ADRA1B: variants seen among roughly 807,000 people sequenced by gnomAD.
ADRA1B encodes the protein adrenoceptor alpha 1B.
In ADRA1B, 17 loss-of-function variants were observed where a neutral mutation model predicts 17.9. The observed-to-expected ratio is 0.95, with a 90% CI of 0.65 to 1.42. The LOEUF is 1.42. ADRA1B is among the 40% of genes most tolerant of loss of function. The pLI, the probability that ADRA1B is intolerant of heterozygous loss-of-function variation, is 0.00. For synonymous variants in ADRA1B, 366 were observed against 327.6 expected (o/e 1.12, Z -1.27); for missense variants, 681 against 722.1 (o/e 0.94, Z 0.65).
intron 1 of ADRA1B, among the ~76,000 whole-genome samples, chr5:159,866,262 T>C (rs1753651264): frequency 7.0e-6 from 1 of 141,960 alleles, no homozygotes. Context: ...GCAATGATCA[T>C]GCCACTGCAC....
downstream of ADRA1B, among the ~76,000 whole-genome samples, chr5:159,976,326 G>A (rs901353301): frequency 7.9e-5 from 12 of 152,090 alleles, no homozygotes; most frequent in Admixed American, 5.2e-4. Flanking sequence ...AGGGTCCACC[G>A]TGAAGAAGAA....
At chr5:159,970,868 G>A (rs1263459264) in intron 1 of ADRA1B, among the ~76,000 whole-genome samples, 1 of 152,168 alleles carries the variant, frequency 6.6e-6, no homozygotes, top group African/African-American at 2.4e-5. Context: ...GCAGTGCCAC[G>A]ATCATAGTTC....
At chr5:159,888,437 A>T (rs1375920318) in intron 1 of ADRA1B, 1 of 152,154 alleles carries the variant, frequency 6.6e-6, no homozygotes, top group Admixed American at 6.5e-5. Flanking sequence ...CAAACATGAA[A>T]CCTATTTGGA....
At chr5:159,976,224 A>G (rs1345351000), downstream of ADRA1B, among the ~76,000 whole-genome samples, 1 of 152,200 alleles carries the variant, frequency 6.6e-6, no homozygotes, top group Non-Finnish European at 1.5e-5. Context: ...TCATTCTTCA[A>G]TTATTTACTT....
chr5:159,958,291 AACTTACAGTCTGTTTTTTCCCACC>A (rs1224553337), intron 1 of ADRA1B, among the ~76,000 whole-genome samples: 11 of 152,194 alleles, frequency 7.2e-5, no homozygotes, highest in African/African-American at 2.7e-4. Context: ...CTGTTGCCCC[AACTTACAGTCTGTTTTTTCCCACC>A]ACTTACAGTC....
Position 159,939,278 on chromosome 5 carries a change from AGTGTGTGT to A in ADRA1B, c.949+21462_949+21469del, listed in dbSNP as rs70987981. ...GAGAGAGAGAGAGAGAGAGAGAGAG[AGTGTGTGT>A]GTGTGTGTGTGTGTGTGTGTGTGTG... On this transcript the variant is annotated intron_variant, in intron 1 of 1. Transcript: ENST00000306675. 9.7e-3 allele frequency among the ~76,000 whole-genome samples: 951 copies of A among 98,296 alleles called. 11 individuals are homozygous for A. The highest frequency in any genetic ancestry group is 0.022 in the Middle Eastern group (3 of 134). 64.5% of individuals were successfully genotyped at this position (98,296 alleles called of 152,430 possible). A position where few individuals can be genotyped will look rare whatever the true frequency, so the allele number is the denominator to read the frequency against.
chr5:159,866,558 GC>G (rs1258833648), intron 1 of ADRA1B, among the ~76,000 whole-genome samples: 1 of 150,284 alleles, frequency 6.7e-6, no homozygotes, highest in African/African-American at 2.5e-5. Flanking sequence ...CTGCATTACA[GC>G]CTGGGCAACA....
intron 1 of ADRA1B, chr5:159,948,329 T>A (rs114019701): frequency 1.0e-6 from 1 of 985,338 alleles, no homozygotes; most frequent in Non-Finnish European, 1.2e-6. Flanking sequence ...CCCTTTCATT[T>A]GAGTTTCCTG....
At chr5:159,877,447 A>T (rs78529022) in intron 1 of ADRA1B, among the ~76,000 whole-genome samples, 2,382 of 152,280 alleles carry the variant, frequency 0.016, 62 homozygotes, top group African/African-American at 0.054. Context: ...ATCAGTTGGC[A>T]AATGTCAAAA....
chr5:159,930,999 T>A (rs894746488), intron 1 of ADRA1B, among the ~76,000 whole-genome samples: 7 of 147,392 alleles, frequency 4.7e-5, no homozygotes, highest in African/African-American at 1.5e-4. Context: ...ATATATATAT[T>A]TTATAATATT....
In ADRA1B at chr5:159,916,930, C is replaced by G; in HGVS notation, c.25C>G (p.His9Asp). 2.5e-6 allele frequency: 4 copies of G among 1,613,386 alleles called. No homozygotes were observed. The highest frequency in any genetic ancestry group is 3.4e-6 in the Non-Finnish European group (4 of 1,179,594). ...GATGAATCCCGACCTGGACACCGGCCACAACACATCAGCACCTGCCCACTG... is the reference window on the plus strand; with the variant it reads ...GATGAATCCCGACCTGGACACCGGCGACAACACATCAGCACCTGCCCACTG... MNPDLDTGHNTSAPAHWGE... is the reference protein window; with the variant it reads MNPDLDTGDNTSAPAHWGE... The change falls in exon 1 of 2, where the codon CAC becomes GAC. Residue 9 changes from histidine to aspartate, a missense_variant. His to Asp is a moderately conservative substitution (Grantham distance 81). This residue lies in a region of ADRA1B where 424 missense variants were observed against 480.2 expected (regional missense o/e 0.88). Transcript: ENST00000306675.
intron 1 of ADRA1B, among the ~76,000 whole-genome samples, chr5:159,941,954 G>T (rs561043339): frequency 7.4e-6 from 1 of 134,684 alleles, no homozygotes; most frequent in Non-Finnish European, 1.5e-5. Flanking sequence ...ACAGAGTCTC[G>T]CTCTGTCACC....
At chr5:159,985,445 T>C in the ADRA1B span, among the ~76,000 whole-genome samples, 1 of 152,200 alleles carries the variant, frequency 6.6e-6, no homozygotes, top group Non-Finnish European at 1.5e-5. Context: ...TAAATACTTA[T>C]TGAATGAATG....
chr5:159,956,345 T>G (rs1279067997), intron 1 of ADRA1B, among the ~76,000 whole-genome samples: 2 of 152,022 alleles, frequency 1.3e-5, no homozygotes, highest in Admixed American at 1.3e-4. Context: ...AACAGTTTGG[T>G]GTATACTCAC....
At chr5:159,954,460 C>T (rs943859347) in intron 1 of ADRA1B, among the ~76,000 whole-genome samples, 1 of 152,168 alleles carries the variant, frequency 6.6e-6, no homozygotes, top group African/African-American at 2.4e-5. Context: ...GGCCCCACCT[C>T]CTGATACCAT....
chr5:159,870,761 T>C (rs1753728401), intron 1 of ADRA1B: 1 of 152,278 alleles, frequency 6.6e-6, no homozygotes, highest in Non-Finnish European at 1.5e-5. Context: ...CTAAAATCAA[T>C]GCATAAAGCC....
intron 1 of ADRA1B, among the ~76,000 whole-genome samples, chr5:159,905,028 C>T (rs1389763449): frequency 6.6e-6 from 1 of 152,224 alleles, no homozygotes. Context: ...GATCAAGTCA[C>T]TATCCAGCGT....
chr5:159,890,647 G>A (rs746912563), intron 1 of ADRA1B, among the ~76,000 whole-genome samples: 3 of 152,104 alleles, frequency 2.0e-5, no homozygotes, highest in Admixed American at 6.5e-5. Flanking sequence ...TCAAACCCCC[G>A]CACATGTGCC....
chr5:159,927,381 G>GCACGCACACACACACA (rs1754686377), intron 1 of ADRA1B, among the ~76,000 whole-genome samples: 1 of 140,636 alleles, frequency 7.1e-6, no homozygotes, highest in Admixed American at 7.1e-5. Context: ...ATTAAAACAT[G>GCACGCACACACACACA]CACACACACA....
Sources: allele counts gnomAD v4.1 joint callset (sites outside exome capture counted in the v4.1 genomes callset), GRCh38; gene constraint gnomAD v4.1.1; regional missense constraint gnomAD v4.1.1; transcripts MANE v1.5; gene names NCBI Gene and HGNC (gene_info 2026-07-23, HGNC 2026-07-21).